MIGA1: variants seen among roughly 807,000 people sequenced by gnomAD.
The protein encoded by MIGA1 is mitoguardin 1, also known as family with sequence similarity 73, member A.
MIGA1 carries 58 observed loss-of-function variants against 82.0 expected under a neutral mutation model. That is an observed-to-expected ratio of 0.71 (90% CI 0.57 to 0.88). The LOEUF (loss-of-function observed/expected upper bound fraction) is 0.88. Among genes scored for constraint, MIGA1 ranks in the 40% least tolerant of loss-of-function variants. The probability of loss-of-function intolerance (pLI) is 0.00; values close to 1 mark genes in which losing one functional copy is unlikely to be tolerated. For missense variants in MIGA1, 751 were observed against 749.1 expected (o/e 1.00, Z -0.03); for synonymous variants, 249 against 253.6 (o/e 0.98, Z 0.17).
intron 7 of MIGA1, among the ~76,000 whole-genome samples, chr1:77,836,726 C>T (rs534375748): frequency 1.4e-4 from 21 of 152,236 alleles, no homozygotes; most frequent in Admixed American, 5.2e-4. Context: ...TCAGAAACCA[C>T]GCTTTTACCC....
At chr1:77,784,872 C>A (rs1351827775) in intron 2 of MIGA1, among the ~76,000 whole-genome samples, 6 of 152,156 alleles carry the variant, frequency 3.9e-5, no homozygotes, top group African/African-American at 1.4e-4. Flanking sequence ...TGCAAAAAAA[C>A]TCCCATTTTT....
At chr1:77,804,842 T>C (rs1683026982) in intron 4 of MIGA1, among the ~76,000 whole-genome samples, 1 of 152,052 alleles carries the variant, frequency 6.6e-6, no homozygotes, top group Admixed American at 6.6e-5. Context: ...TTGGCTAGGC[T>C]GGTCTCGAAC....
At chr1:77,849,912 G>A (rs976959951) in intron 8 of MIGA1, among the ~76,000 whole-genome samples, 6 of 152,036 alleles carry the variant, frequency 3.9e-5, no homozygotes, top group African/African-American at 1.5e-4. Context: ...GCACACGCCT[G>A]TAATCCCAGC....
chr1:77,805,461 CTTTTTTTTTTT>C (rs11408292), intron 4 of MIGA1, among the ~76,000 whole-genome samples: 2 of 110,408 alleles, frequency 1.8e-5, no homozygotes, highest in Non-Finnish European at 3.5e-5. Flanking sequence ...TATGCCTATT[CTTTTTTTTTTT>C]TTTTTTTGTC....
At chr1:77,819,257 A>G (rs1422305948) in intron 7 of MIGA1, among the ~76,000 whole-genome samples, 1 of 151,814 alleles carries the variant, frequency 6.6e-6, no homozygotes, top group Non-Finnish European at 1.5e-5. Flanking sequence ...GACCCAGTCA[A>G]GCTAGCTTTA....
chr1:77,859,442 G>A, intron 10 of MIGA1, 56 bp downstream of exon 10: 1 of 1,149,358 alleles, frequency 8.7e-7, no homozygotes, highest in Non-Finnish European at 1.3e-6. Context: ...CCCTCATGCT[G>A]TAGAGTCCAG....
chr1:77,806,925 A>T (rs1185142804), intron 4 of MIGA1, 50 bp from the exon 5 acceptor site: 1 of 1,424,776 alleles, frequency 7.0e-7, no homozygotes, highest in East Asian at 2.3e-5. Context: ...AGATCACAAC[A>T]TACTATCATG....
chr1:77,847,877 T>C, intron 8 of MIGA1: 2 of 1,571,116 alleles, frequency 1.3e-6, no homozygotes, highest in Non-Finnish European at 1.8e-6. Context: ...ATGCAGACAG[T>C]GACTTTGATG....
chr1:77,818,053 T>A (rs931217660), intron 7 of MIGA1, among the ~76,000 whole-genome samples: 1 of 149,366 alleles, frequency 6.7e-6, no homozygotes, highest in South Asian at 2.1e-4. Flanking sequence ...CCTCCTGGAC[T>A]CAAGCCATCC....
At position 77,801,313 on chromosome 1, in the gene MIGA1, TAAC is replaced by T. The variant is rs1300877460; in HGVS notation, c.196-17_196-15del. 4 of 1,527,920 alleles carry T rather than the reference TAAC, an allele frequency of 2.6e-6. No individual in the cohort carries two copies. Among genetic ancestry groups the T allele is most frequent in the African/African-American group, 1.4e-5 (1 of 69,924 alleles). The allele number at this position is 1,527,920 out of a possible 1,614,324, so 94.6% of individuals were successfully genotyped here. ...AAATTAAAGAGATTTTTTTCAATTT[TAAC>T]TGAATCTTTTCCAGATCAAATTTTC... On this transcript the variant is annotated splice_polypyrimidine_tract_variant and intron_variant, in intron 2 of 15. Transcript: ENST00000370791.
chr1:77,812,621 T>C (rs1339382143), intron 5 of MIGA1, among the ~76,000 whole-genome samples: 1 of 152,194 alleles, frequency 6.6e-6, no homozygotes, highest in Non-Finnish European at 1.5e-5. Flanking sequence ...CTTTTAAAGA[T>C]CTTTTTCTTT....
At chr1:77,801,218 T>A (rs1557899942) in intron 2 of MIGA1, 113 bp from the exon 3 acceptor site, 2 of 687,716 alleles carry the variant, frequency 2.9e-6, no homozygotes, top group Non-Finnish European at 4.6e-6. Flanking sequence ...AATGATATTC[T>A]CTTGATAGTA....
At chr1:77,813,615 T>C in intron 5 of MIGA1, 119 bp from the exon 6 acceptor site, 1 of 1,053,990 alleles carries the variant, frequency 9.5e-7, no homozygotes, top group East Asian at 2.4e-5. Flanking sequence ...TGTATGATTC[T>C]TTAGTGTCAA....
chr1:77,835,967 A>C (rs1684409332), intron 7 of MIGA1, among the ~76,000 whole-genome samples: 1 of 152,132 alleles, frequency 6.6e-6, no homozygotes, highest in South Asian at 2.1e-4. Flanking sequence ...AAAAAAAAGA[A>C]AAAAAGAAAG....
intron 1 of MIGA1, chr1:77,782,871 CA>C: frequency 1.0e-6 from 1 of 984,506 alleles, no homozygotes; most frequent in Non-Finnish European, 1.2e-6. Context: ...TGAAGGAAAC[CA>C]AATGAATGAG....
intron 13 of MIGA1, among the ~76,000 whole-genome samples, chr1:77,865,983 G>GT (rs1230375569): frequency 6.6e-6 from 1 of 152,054 alleles, no homozygotes; most frequent in African/African-American, 2.4e-5. Context: ...CGCGATCTCT[G>GT]TTTACTATAA....
intron 7 of MIGA1, among the ~76,000 whole-genome samples, chr1:77,831,863 T>A (rs186884849): frequency 1.3e-5 from 2 of 152,294 alleles, no homozygotes; most frequent in Non-Finnish European, 2.9e-5. Flanking sequence ...CAAGACCTTG[T>A]CTCAAAACAA....
chr1:77,839,594 A>G (rs1318419237), intron 7 of MIGA1, among the ~76,000 whole-genome samples: 1 of 150,894 alleles, frequency 6.6e-6, no homozygotes, highest in Non-Finnish European at 1.5e-5. Flanking sequence ...CTGATCTTGA[A>G]CTCCTGGGGC....
intron 2 of MIGA1, among the ~76,000 whole-genome samples, chr1:77,796,418 CTTAA>C (rs1682659244): frequency 1.3e-5 from 2 of 151,060 alleles, no homozygotes; most frequent in African/African-American, 4.9e-5. Context: ...CGTGCCTGGT[CTTAA>C]TTTTTTTTTT....
Sources: allele counts gnomAD v4.1 joint callset (sites outside exome capture counted in the v4.1 genomes callset), GRCh38; gene constraint gnomAD v4.1.1; transcripts MANE v1.5; gene names NCBI Gene and HGNC (gene_info 2026-07-23, HGNC 2026-07-21).